PHACTR2: variants seen among roughly 807,000 people sequenced by gnomAD.
PHACTR2 encodes chromosome 6 open reading frame 56.
In PHACTR2, 30 loss-of-function variants were observed where a neutral mutation model predicts 76.0. That is an observed-to-expected ratio of 0.39 (90% CI 0.30 to 0.54). The LOEUF is 0.54. Ranked by LOEUF, PHACTR2 falls within the 20% of genes least tolerant of loss-of-function variation. The pLI, the probability that PHACTR2 is intolerant of heterozygous loss-of-function variation, is 0.61. For synonymous variants in PHACTR2, 292 were observed against 292.5 expected, an observed-to-expected ratio of 1.00 and a Z score of 0.02; for missense variants, 696 against 781.1, an observed-to-expected ratio of 0.89 and a Z score of 1.30.
chr6:143,824,655 C>G lies in PHACTR2; in HGVS notation c.*966C>G, dbSNP rs899488332. The G allele has an allele frequency of 6.6e-6, 1 of 152,544 alleles. No individual in the cohort carries two copies. Among genetic ancestry groups the G allele is most frequent in the Non-Finnish European group, 1.5e-5 (1 of 68,010 alleles). 9.4% of individuals were successfully genotyped at this position (152,544 alleles called of 1,614,324 possible). A position where few individuals can be genotyped will look rare whatever the true frequency, so the allele number is the denominator to read the frequency against. ...GCAATCATGACACCTGTAATAAAAA[C>G]TTGAATCCAAAGTCAAAACTTAAGC... On this transcript the variant is annotated 3_prime_UTR_variant, in exon 13 of 13. Coordinates refer to ENST00000440869, the MANE Select transcript of PHACTR2 (RefSeq NM_001100164.2). This position sits in a 1 kb window ranked among gnomAD's most constrained non-coding sequence, Gnocchi z 6.3.
In PHACTR2 at chr6:143,767,774, T is replaced by C; in HGVS notation, c.1232+1976T>C. Reference sequence around the variant, plus strand: ...TTCACGAGGGCAGAGCCTTCATGACTTAAACACCTCCCACTAGGCCCTACC... The same window carrying C: ...TTCACGAGGGCAGAGCCTTCATGACCTAAACACCTCCCACTAGGCCCTACC... On this transcript the variant is annotated intron_variant, in intron 6 of 12. Transcript: ENST00000440869. The surrounding 1 kb of genome is among the most constrained non-coding windows in gnomAD (Gnocchi z 4.4). Among the ~76,000 whole-genome samples the C allele has an allele frequency of 6.6e-6, 1 of 152,180 alleles. No homozygotes were observed. The highest frequency in any genetic ancestry group is 6.5e-5 in the Admixed American group (1 of 15,276).
intron 1 of PHACTR2, among the ~76,000 whole-genome samples, chr6:143,572,055 G>A (rs564454041): frequency 3.5e-4 from 53 of 152,246 alleles, no homozygotes; most frequent in African/African-American, 1.2e-3. Context: ...CACACAACTA[G>A]GATTTTCACC....
rs1776509374 is a variant in PHACTR2, at chr6:143,825,241, CTG to C, written c.*1554_*1555del. ...TTTCTAAGATGTTTCTGGTTCAAGA[CTG>C]TCATTTTCTATTTCAACCGAAAAGT... On this transcript the variant is annotated 3_prime_UTR_variant, in exon 13 of 13. Coordinates refer to ENST00000440869, the MANE Select transcript of PHACTR2 (RefSeq NM_001100164.2). The surrounding 1 kb of genome is among the most constrained non-coding windows in gnomAD (Gnocchi z 4.1). The C allele has an allele frequency of 6.6e-6, 1 of 152,198 alleles. No individual in the cohort carries two copies. Among genetic ancestry groups the C allele is most frequent in the Non-Finnish European group, 1.5e-5 (1 of 68,024 alleles). The allele number at this position is 152,198 out of a possible 1,614,324, so 9.4% of individuals were successfully genotyped here.
rs542458228 is a variant in PHACTR2 at position 143,756,129 on chromosome 6, C to A, written c.454+2217C>A. ...TTAGAGCCCTAGATGTGTATTATAT[C>A]TCTTCATAAGACAATATCTCAATAC... is the stretch of plus-strand genomic sequence containing the variant. On this transcript the variant is annotated intron_variant, in intron 4 of 12. Transcript: ENST00000440869. Among the ~76,000 whole-genome samples the A allele has an allele frequency of 3.3e-5, 5 of 152,146 alleles. No individual in the cohort carries two copies. The South Asian group carries it at 6.2e-4, about 19-fold the overall frequency.
At position 143,816,868 on chromosome 6, in the gene PHACTR2, C is replaced by G. The variant is rs567188336; in HGVS notation, c.1923-6806C>G. ...ATCGCTTGAGGCCAGGAGTTCAAGA[C>G]CAGCCTGGTCAACATGGCACAATGC... On this transcript the variant is annotated intron_variant, in intron 12 of 12. Transcript: ENST00000440869. This position sits in a 1 kb window ranked among gnomAD's most constrained non-coding sequence, Gnocchi z 4.5. Among the ~76,000 whole-genome samples, 2 of 152,128 alleles carry G rather than the reference C, an allele frequency of 1.3e-5. No homozygotes were observed. Among genetic ancestry groups the G allele is most frequent in the African/African-American group, 4.8e-5 (2 of 41,494 alleles).
At chr6:143,586,184 A>G (rs1171276991) in intron 1 of PHACTR2, among the ~76,000 whole-genome samples, 1 of 150,680 alleles carries the variant, frequency 6.6e-6, no homozygotes, top group Non-Finnish European at 1.5e-5. Flanking sequence ...TGTTAAATCA[A>G]ATTACTTGGC....
intron 2 of PHACTR2, among the ~76,000 whole-genome samples, chr6:143,727,738 T>G (rs893694062): frequency 4.1e-5 from 5 of 121,722 alleles, no homozygotes; most frequent in Middle Eastern, 4.3e-3. Flanking sequence ...TGTTTGCCAT[T>G]TGTATGTGTT....
intron 1 of PHACTR2, among the ~76,000 whole-genome samples, chr6:143,667,429 G>T (rs950611134): frequency 6.6e-6 from 1 of 152,300 alleles, no homozygotes; most frequent in South Asian, 2.1e-4. Context: ...GTGGTAGCTT[G>T]ATGGGGATAG....
intron 1 of PHACTR2, among the ~76,000 whole-genome samples, chr6:143,685,645 A>G (rs1777497490): frequency 1.3e-5 from 2 of 151,648 alleles, no homozygotes; most frequent in Non-Finnish European, 2.9e-5. Flanking sequence ...AGAAGAACAT[A>G]AGTGATCACT....
Position 143,823,601 on chromosome 6 carries a change from C to G in PHACTR2, c.1923-73C>G. The G allele has an allele frequency of 8.7e-7, 1 of 1,144,252 alleles. No homozygotes were observed. The highest frequency in any genetic ancestry group is 1.3e-6 in the Non-Finnish European group (1 of 757,290). 70.9% of individuals were successfully genotyped at this position (1,144,252 alleles called of 1,614,324 possible). ...TACCTTTTCATTGTAAACATGACCA[C>G]GCCTTATTCAGCTCACTGCATGCAG... is the stretch of plus-strand genomic sequence containing the variant. On this transcript the variant is annotated intron_variant, in intron 12 of 12. Coordinates refer to ENST00000440869, the MANE Select transcript of PHACTR2 (RefSeq NM_001100164.2). This position sits in a 1 kb window ranked among gnomAD's most constrained non-coding sequence, Gnocchi z 5.7.
rs1286486786 is a variant in PHACTR2 at position 143,664,011 on chromosome 6, TTA to T, written c.14-48003_14-48002del. 6.6e-6 allele frequency among the ~76,000 whole-genome samples: 1 copy of T among 152,124 alleles called. No homozygotes were observed. The highest frequency in any genetic ancestry group is 1.5e-5 in the Non-Finnish European group (1 of 67,986). ...ATGGTATGTTAAAAATCTCTCCTTA[TTA>T]TTGTGGATCTGTCCGTTTATCATTG... is the stretch of plus-strand genomic sequence containing the variant. On this transcript the variant is annotated intron_variant, in intron 1 of 11. Coordinates refer to the PHACTR2 transcript ENST00000305766. This position sits in a 1 kb window ranked among gnomAD's most constrained non-coding sequence, Gnocchi z 5.1.
intron 1 of PHACTR2, among the ~76,000 whole-genome samples, chr6:143,594,667 T>C (rs1160900510): frequency 6.6e-6 from 1 of 152,254 alleles, no homozygotes; most frequent in Non-Finnish European, 1.5e-5. Context: ...GATTTGATTA[T>C]GGTCCAGGGA....
Position 143,698,583 on chromosome 6 carries a change from C to T in PHACTR2, c.47-13433C>T, listed in dbSNP as rs1329943030. ...TGAATTTTAACTCATAATTTGGAGG[C>T]CATCTTGTGCTATGTCTGCCGTGGG... is the stretch of plus-strand genomic sequence containing the variant. On this transcript the variant is annotated intron_variant, in intron 1 of 12. Transcript: ENST00000440869. This position sits in a 1 kb window ranked among gnomAD's most constrained non-coding sequence, Gnocchi z 4.3. Among the ~76,000 whole-genome samples, 3 of 152,202 alleles carry T rather than the reference C, an allele frequency of 2.0e-5. No individual in the cohort carries two copies.
At position 143,690,085 on chromosome 6, in the gene PHACTR2, C is replaced by T. The variant is rs546650047; in HGVS notation, c.46+11876C>T. On this transcript the variant is annotated intron_variant, in intron 1 of 12. Coordinates refer to ENST00000440869, the MANE Select transcript of PHACTR2 (RefSeq NM_001100164.2). ...GATAGCTAAGGCTTGTGGTAAACCA[C>T]GATTTCTTTTTCTCTCCTGCATACC... 2.2e-4 allele frequency among the ~76,000 whole-genome samples: 34 copies of T among 152,346 alleles called. 1 individual carries two copies. The highest frequency in any genetic ancestry group is 1.9e-3 in the Admixed American group (29 of 15,308).
rs114214848 is a variant in PHACTR2 at position 143,645,367 on chromosome 6, C to T, written c.13+37045C>T. 7.6e-3 allele frequency among the ~76,000 whole-genome samples: 1,153 copies of T among 152,026 alleles called. 20 individuals are homozygous for T. The highest frequency in any genetic ancestry group is 0.025 in the African/African-American group (1,033 of 41,470). ...TGAAAAGGAGTGAGTTAATGGCATT[C>T]GCAGTGACCTGGTTGAGTTTGGAGA... On this transcript the variant is annotated intron_variant, in intron 1 of 11. Coordinates refer to the PHACTR2 transcript ENST00000305766.
chr6:143,563,551 C>CAAAAAAAAAAAAAA (rs76587878), intron 1 of PHACTR2, among the ~76,000 whole-genome samples: 4 of 29,962 alleles, frequency 1.3e-4, no homozygotes, highest in African/African-American at 3.3e-4. Flanking sequence ...AACTCCGTCT[C>CAAAAAAAAAAAAAA]AAAAAAAAAA....
Position 143,554,175 on chromosome 6 carries a change from G to C in PHACTR2, c.217+16968G>C, listed in dbSNP as rs1030725036. ...TAGGAGTGAATCCACAGTATGCAGG[G>C]CTATGGTGTCTGCTTCTTCTCAGGA... On this transcript the variant is annotated intron_variant, in intron 1 of 11. Transcript: ENST00000367584. The surrounding 1 kb of genome is among the most constrained non-coding windows in gnomAD (Gnocchi z 5.9). The C allele has an allele frequency of 1.3e-5, 2 of 152,132 alleles. No individual in the cohort carries two copies. Among genetic ancestry groups the C allele is most frequent in the African/African-American group, 4.8e-5 (2 of 41,426 alleles). The allele number at this position is 152,132 out of a possible 1,614,324, so 9.4% of individuals were successfully genotyped here.
At position 143,678,119 on chromosome 6, in the gene PHACTR2, C is replaced by G; in HGVS notation, c.-45C>G. On this transcript the variant is annotated 5_prime_UTR_variant, in exon 1 of 13. Transcript: ENST00000440869. This position sits in a 1 kb window ranked among gnomAD's most constrained non-coding sequence, Gnocchi z 6.2. ...GGGAGCGGACCCATGATCGAAGGAC[C>G]AAAGGAGCCGCTTGATCGCTGGACC... 1 of 1,545,940 alleles carries G rather than the reference C, an allele frequency of 6.5e-7. No homozygotes were observed. Among genetic ancestry groups the G allele is most frequent in the Non-Finnish European group, 8.7e-7 (1 of 1,144,936 alleles).
intron 1 of PHACTR2, among the ~76,000 whole-genome samples, chr6:143,614,761 A>G (rs1776035369): frequency 6.6e-6 from 1 of 152,202 alleles, no homozygotes; most frequent in East Asian, 1.9e-4. Flanking sequence ...TTCACTGCTC[A>G]TAAACATCAC....
Sources: allele counts gnomAD v4.1 joint callset (sites outside exome capture counted in the v4.1 genomes callset), GRCh38; gene constraint gnomAD v4.1.1; non-coding constraint Gnocchi (gnomAD v3.1); transcripts MANE v1.5; gene names NCBI Gene and HGNC (gene_info 2026-07-23, HGNC 2026-07-21).